TUSC3: variants seen among roughly 807,000 people sequenced by gnomAD.
TUSC3 encodes the protein tumor suppressor candidate 3.
TUSC3 carries 45 observed loss-of-function variants against 44.8 expected under a neutral mutation model. That is an observed-to-expected ratio of 1.00 (90% CI 0.79 to 1.29). TUSC3 has a LOEUF of 1.29. Ranked by LOEUF, TUSC3 falls within the 50% of genes most tolerant of loss-of-function variation. TUSC3 has a pLI of 0.00. For missense variants in TUSC3, 519 were observed against 437.9 expected, an observed-to-expected ratio of 1.19 and a Z score of -1.65; for synonymous variants, 212 against 152.9, an observed-to-expected ratio of 1.39 and a Z score of -2.85.
At chr8:15,503,572 C>G (rs1440302601) in intron 2 of TUSC3, among the ~76,000 whole-genome samples, 15 of 152,118 alleles carry the variant, frequency 9.9e-5, no homozygotes, top group African/African-American at 2.9e-4. Flanking sequence ...GACATGGTGG[C>G]TCACACCTGT....
At chr8:15,749,120 AATAACTTAACATTT>A (rs913344191) in intron 9 of TUSC3, among the ~76,000 whole-genome samples, 3 of 11,594 alleles carry the variant, frequency 2.6e-4, no homozygotes, top group African/African-American at 5.1e-4. Context: ...AGTTTTCTTA[AATAACTTAACATTT>A]TTTTCTTTCT....
rs1185290232 is a variant in TUSC3, at chr8:15,766,361, T to C, written c.*2205T>C. 2 of 152,122 alleles carry C rather than the reference T, an allele frequency of 1.3e-5. No homozygotes were observed. Among genetic ancestry groups the C allele is most frequent in the East Asian group, 1.9e-4 (1 of 5,186 alleles). The allele number at this position is 152,122 out of a possible 1,614,324, so 9.4% of individuals were successfully genotyped here. On this transcript the variant is annotated 3_prime_UTR_variant, in exon 11 of 11. Coordinates refer to ENST00000503731, the MANE Select transcript of TUSC3 (RefSeq NM_006765.4). ...AACGTGCAAAATCACATACATGCGA[T>C]GTATTTACCTTTGCTAGACAATGAG...
At chr8:15,588,045 T>C in intron 1 of TUSC3, among the ~76,000 whole-genome samples, 1 of 152,192 alleles carries the variant, frequency 6.6e-6, no homozygotes, top group African/African-American at 2.4e-5. Context: ...CTTTTTAATA[T>C]ACTGACTTCC....
At chr8:15,678,190 G>T (rs747494663) in intron 6 of TUSC3, among the ~76,000 whole-genome samples, 4 of 152,168 alleles carry the variant, frequency 2.6e-5, no homozygotes, top group Non-Finnish European at 5.9e-5. Context: ...GATCTCATCA[G>T]CCATTTGCTG....
chr8:15,634,236 C>G (rs531557795), intron 2 of TUSC3, among the ~76,000 whole-genome samples: 2 of 152,152 alleles, frequency 1.3e-5, no homozygotes, highest in Non-Finnish European at 2.9e-5. Context: ...GGACCTTCAT[C>G]ATTAAGAAAC....
At chr8:15,759,845 C>T (rs775057387) in intron 10 of TUSC3, among the ~76,000 whole-genome samples, 12 of 152,252 alleles carry the variant, frequency 7.9e-5, no homozygotes, top group Non-Finnish European at 1.6e-4. Context: ...TATCATCTGC[C>T]TCCAAATCTC....
At chr8:15,796,459 G>A in the TUSC3 span, among the ~76,000 whole-genome samples, 2 of 152,154 alleles carry the variant, frequency 1.3e-5, no homozygotes, top group Admixed American at 6.5e-5. Context: ...GTTCACCAAG[G>A]ACTATACTGG....
chr8:15,494,449 C>A (rs374951016), intron 2 of TUSC3, among the ~76,000 whole-genome samples: 1 of 151,964 alleles, frequency 6.6e-6, no homozygotes, highest in East Asian at 2.0e-4. Flanking sequence ...TCCGGAGTAG[C>A]TGGGACTACA....
At chr8:15,470,587 T>G (rs1800477027) in intron 1 of TUSC3, among the ~76,000 whole-genome samples, 1 of 152,266 alleles carries the variant, frequency 6.6e-6, no homozygotes, top group African/African-American at 2.4e-5. Flanking sequence ...TCTGCCCAAT[T>G]TTTCTATAAA....
In TUSC3 at chr8:15,647,419, A is replaced by G. The variant is rs1316890875; in HGVS notation, c.309-3278A>G. On this transcript the variant is annotated intron_variant, in intron 2 of 10. Transcript: ENST00000503731. Reference sequence around the variant, plus strand: ...TTTTGTTTTTATTTTTCCTGTTGGAATAAATACGGTTTTCTTACTATAGAT... The same window carrying G: ...TTTTGTTTTTATTTTTCCTGTTGGAGTAAATACGGTTTTCTTACTATAGAT... 3.3e-5 allele frequency among the ~76,000 whole-genome samples: 5 copies of G among 152,242 alleles called. No individual in the cohort carries two copies. The East Asian group carries it at 7.7e-4, about 24-fold the overall frequency.
At chr8:15,593,242 C>T (rs949248287) in intron 1 of TUSC3, among the ~76,000 whole-genome samples, 1 of 152,012 alleles carries the variant, frequency 6.6e-6, no homozygotes, top group Non-Finnish European at 1.5e-5. Context: ...CGTGCCACCA[C>T]ACCTGGCTAA....
intron 1 of TUSC3, among the ~76,000 whole-genome samples, chr8:15,570,300 A>G (rs1802827004): frequency 6.8e-6 from 1 of 146,220 alleles, no homozygotes; most frequent in Admixed American, 6.8e-5. Flanking sequence ...ACACACACAC[A>G]CACTCTTACT....
chr8:15,503,163 G>T (rs1585068093), intron 2 of TUSC3, among the ~76,000 whole-genome samples: 1 of 152,128 alleles, frequency 6.6e-6, no homozygotes, highest in South Asian at 2.1e-4. Context: ...ATTAAAATGA[G>T]ATTATTACGG....
At chr8:15,577,720 TGTA>T (rs1803170355) in intron 1 of TUSC3, among the ~76,000 whole-genome samples, 1 of 143,428 alleles carries the variant, frequency 7.0e-6, no homozygotes, top group East Asian at 2.1e-4. Context: ...ACTGTAGCCT[TGTA>T]GTATAGTTTG....
Position 15,764,854 on chromosome 8 carries a change from C to A in TUSC3, c.*698C>A, listed in dbSNP as rs1812284639. ...AGACGATGAAAGCAACATACCACAA[C>A]TAGGAGTTATTTCTCAAACTTAAAT... On this transcript the variant is annotated 3_prime_UTR_variant, in exon 11 of 11. Transcript: ENST00000503731. The A allele has an allele frequency of 6.6e-6, 1 of 152,016 alleles. No homozygotes were observed. The highest frequency in any genetic ancestry group is 1.5e-5 in the Non-Finnish European group (1 of 67,968). The allele number at this position is 152,016 out of a possible 1,614,324, so 9.4% of individuals were successfully genotyped here. A position where few individuals can be genotyped will look rare whatever the true frequency, so the allele number is the denominator to read the frequency against.
intron 2 of TUSC3, among the ~76,000 whole-genome samples, chr8:15,494,119 A>T (rs192912493): frequency 6.6e-6 from 1 of 151,972 alleles, no homozygotes; most frequent in Non-Finnish European, 1.5e-5. Flanking sequence ...TGCTGCTGCT[A>T]TTGTCCTCAC....
At chr8:15,669,223 G>C (rs960584208) in intron 5 of TUSC3, among the ~76,000 whole-genome samples, 10 of 151,776 alleles carry the variant, frequency 6.6e-5, no homozygotes, top group African/African-American at 2.4e-4. Context: ...GAATGAGAAA[G>C]TCTTCATACT....
chr8:15,437,241 A>G (rs1799960360), intron 1 of TUSC3, among the ~76,000 whole-genome samples: 1 of 152,194 alleles, frequency 6.6e-6, no homozygotes, highest in Admixed American at 6.5e-5. Flanking sequence ...TTAATGGGCA[A>G]AACTTTTCCA....
chr8:15,490,316 T>C (rs918081272), intron 2 of TUSC3, among the ~76,000 whole-genome samples: 2 of 152,136 alleles, frequency 1.3e-5, no homozygotes, highest in Non-Finnish European at 2.9e-5. Context: ...GGCAGGATTG[T>C]CTTTTGGGAG....
Sources: gnomAD v4.1 joint callset for allele counts (sites outside exome capture counted in the v4.1 genomes callset) on GRCh38, gnomAD v4.1.1 for gene constraint, MANE v1.5 for transcripts, NCBI Gene and HGNC (gene_info 2026-07-23, HGNC 2026-07-21) for gene names.